The following DAAM2 variants were observed in gnomAD, a reference collection of about 807,000 sequenced individuals.
DAAM2 encodes the protein disheveled-associated activator of morphogenesis 2.
A neutral mutation model predicts 120.7 loss-of-function variants in DAAM2; 39 were observed. The ratio of observed to expected loss-of-function variants is 0.32; its 90% CI spans 0.25 to 0.42. The LOEUF (loss-of-function observed/expected upper bound fraction) is 0.42. Ranked by LOEUF, DAAM2 falls within the 10% of genes least tolerant of loss-of-function variation. The pLI, the probability that DAAM2 is intolerant of heterozygous loss-of-function variation, is 1.00. For missense variants in DAAM2, 1,283 were observed against 1,401.7 expected (o/e 0.92, Z 1.35); for synonymous variants, 488 against 524.9 (o/e 0.93, Z 0.96).
intron 3 of DAAM2, among the ~76,000 whole-genome samples, chr6:39,863,907 T>C (rs1020124971): frequency 2.6e-5 from 4 of 152,180 alleles, no homozygotes; most frequent in East Asian, 1.9e-4. Context: ...TCTCTATTTT[T>C]CTAAAGTTAC....
intron 1 of DAAM2, among the ~76,000 whole-genome samples, chr6:39,837,424 G>A (rs999543466): frequency 1.3e-5 from 2 of 151,934 alleles, no homozygotes; most frequent in Non-Finnish European, 2.9e-5. Context: ...TGCTATTCTC[G>A]AACTCCTGAC....
At chr6:39,801,664 G>A (rs1009382839) in intron 1 of DAAM2, among the ~76,000 whole-genome samples, 1 of 152,204 alleles carries the variant, frequency 6.6e-6, no homozygotes, top group African/African-American at 2.4e-5. Context: ...CTTTGGTGCT[G>A]TGCTTTGAAC....
At chr6:39,845,014 C>A (rs1336598601) in intron 1 of DAAM2, among the ~76,000 whole-genome samples, 2 of 141,482 alleles carry the variant, frequency 1.4e-5, no homozygotes, top group Admixed American at 7.1e-5. Flanking sequence ...ACATACACAC[C>A]CCCCCACACA....
chr6:39,816,985 C>T (rs755105024), intron 1 of DAAM2, among the ~76,000 whole-genome samples: 9 of 152,178 alleles, frequency 5.9e-5, no homozygotes, highest in Non-Finnish European at 1.2e-4. Flanking sequence ...TTCTTGTTGC[C>T]GTAGTGGAAA....
intron 9 of DAAM2, among the ~76,000 whole-genome samples, chr6:39,872,351 G>A (rs1184684845): frequency 1.3e-5 from 2 of 152,156 alleles, no homozygotes; most frequent in African/African-American, 2.4e-5. Context: ...TATGCAGGCT[G>A]TGGAAGCCTC....
chr6:39,847,506 G>A (rs557894386), intron 1 of DAAM2, among the ~76,000 whole-genome samples: 1 of 152,230 alleles, frequency 6.6e-6, no homozygotes, highest in South Asian at 2.1e-4. Flanking sequence ...GACTTACGGC[G>A]CTAATGGGTA....
chr6:39,854,892 C>A (rs1763941312), intron 1 of DAAM2, among the ~76,000 whole-genome samples: 1 of 152,130 alleles, frequency 6.6e-6, no homozygotes, highest in African/African-American at 2.4e-5. Context: ...ACTTCCCTGG[C>A]ATTCCTAGAT....
At position 39,901,166 on chromosome 6, in the gene DAAM2, T is replaced by C. The variant is rs535813257; in HGVS notation, c.2812-136T>C. 1.2e-4 allele frequency: 91 copies of C among 751,098 alleles called. 1 individual carries two copies. Among genetic ancestry groups the C allele is most frequent in the Non-Finnish European group, 1.9e-4 (87 of 446,418 alleles). 46.5% of individuals were successfully genotyped at this position (751,098 alleles called of 1,614,324 possible). On this transcript the variant is annotated intron_variant, in intron 23 of 24. Coordinates refer to ENST00000274867, the MANE Select transcript of DAAM2 (RefSeq NM_001201427.2). The surrounding 1 kb of genome is among the most constrained non-coding windows in gnomAD (Gnocchi z 4.5). ...ATGATGGGGGTGTCTTCTCACCTCT[T>C]CCAGCCCTGCCCCCTGTGCCAACAG... is the stretch of plus-strand genomic sequence containing the variant.
chr6:39,883,242 C>G (rs1257865322), intron 14 of DAAM2, among the ~76,000 whole-genome samples: 4 of 150,004 alleles, frequency 2.7e-5, no homozygotes, highest in Admixed American at 2.0e-4. Context: ...GTGCAAGGGT[C>G]CTACACAGAG....
At chr6:39,794,751 G>A (rs1032551074) in intron 1 of DAAM2, among the ~76,000 whole-genome samples, 1 of 152,104 alleles carries the variant, frequency 6.6e-6, no homozygotes, top group Non-Finnish European at 1.5e-5. Context: ...GAAGATAAAG[G>A]GTAAGTACAG....
intron 7 of DAAM2, among the ~76,000 whole-genome samples, chr6:39,870,004 A>C (rs531548011): frequency 9.2e-5 from 14 of 152,108 alleles, no homozygotes; most frequent in Non-Finnish European, 1.8e-4. Context: ...AGTTTTCCCA[A>C]GGTCACAAAA....
At chr6:39,814,191 T>TC (rs113547707) in intron 1 of DAAM2, among the ~76,000 whole-genome samples, 18,774 of 150,500 alleles carry the variant, frequency 0.12, 2,511 homozygotes, top group East Asian at 0.55. Flanking sequence ...TTTCTTTCTT[T>TC]TTTTTTTTTT....
At chr6:39,870,764 G>A (rs929179490) in intron 8 of DAAM2, among the ~76,000 whole-genome samples, 1 of 152,196 alleles carries the variant, frequency 6.6e-6, no homozygotes, top group Admixed American at 6.5e-5. Context: ...TACTGGTATT[G>A]GTTGTTGGGG....
At chr6:39,819,243 G>A (rs1762407846) in intron 1 of DAAM2, 1 of 152,264 alleles carries the variant, frequency 6.6e-6, no homozygotes, top group Non-Finnish European at 1.5e-5. Flanking sequence ...GGAGCACAGG[G>A]AGGCCTGTGG....
rs1213975323 is a variant in DAAM2, at chr6:39,812,895, T to C, written c.-57+20430T>C. Among the ~76,000 whole-genome samples the C allele has an allele frequency of 4.6e-5, 7 of 152,254 alleles. No individual in the cohort carries two copies. The East Asian group carries it at 1.2e-3, about 25-fold the overall frequency. Reference sequence around the variant, plus strand: ...GAATTCCTCATTGAAAAGCCAAGCATTCTTGGGGGAAAGTGTGTGTCACCA... The same window carrying C: ...GAATTCCTCATTGAAAAGCCAAGCACTCTTGGGGGAAAGTGTGTGTCACCA... On this transcript the variant is annotated intron_variant, in intron 1 of 24. Transcript: ENST00000274867.
chr6:39,853,711 G>T (rs1325519899), intron 1 of DAAM2, among the ~76,000 whole-genome samples: 1 of 152,166 alleles, frequency 6.6e-6, no homozygotes, highest in African/African-American at 2.4e-5. Context: ...GCAGAAAGAG[G>T]GGTCACAGGT....
intron 1 of DAAM2, among the ~76,000 whole-genome samples, chr6:39,840,229 AAAACAAAC>A (rs113463795): frequency 6.6e-6 from 1 of 152,012 alleles, no homozygotes; most frequent in Admixed American, 6.6e-5. Flanking sequence ...AATGTCTCAA[AAAACAAAC>A]AAACAAACAA....
At chr6:39,800,872 T>A (rs1411516573) in intron 1 of DAAM2, among the ~76,000 whole-genome samples, 1 of 152,208 alleles carries the variant, frequency 6.6e-6, no homozygotes, top group Non-Finnish European at 1.5e-5. Context: ...CCTGCCCTCC[T>A]GCCTGGAGGA....
At chr6:39,855,719 C>T (rs1269814111) in intron 1 of DAAM2, among the ~76,000 whole-genome samples, 1 of 152,198 alleles carries the variant, frequency 6.6e-6, no homozygotes, top group African/African-American at 2.4e-5. Flanking sequence ...GCTCTGGAGA[C>T]CCAGGCTGCA....
Sources: allele counts gnomAD v4.1 joint callset (sites outside exome capture counted in the v4.1 genomes callset), GRCh38; gene constraint gnomAD v4.1.1; non-coding constraint Gnocchi (gnomAD v3.1); transcripts MANE v1.5; gene names NCBI Gene and HGNC (gene_info 2026-07-23, HGNC 2026-07-21).